KCNH1: variants seen among roughly 807,000 people sequenced by gnomAD.
KCNH1 encodes potassium voltage-gated channel subfamily H member 1, also known as voltage-gated delayed rectifier potassium channel KCNH1.
A neutral mutation model predicts 69.2 loss-of-function variants in KCNH1; 27 were observed. The ratio of observed to expected loss-of-function variants is 0.39; its 90% confidence interval spans 0.29 to 0.54. KCNH1 has a LOEUF of 0.54. Among genes scored for constraint, KCNH1 ranks in the 20% least tolerant of loss-of-function variants. The pLI is 0.68. For synonymous variants in KCNH1, 456 were observed against 487.7 expected (o/e 0.93, Z 0.86); for missense variants, 798 against 1,261.6 (o/e 0.63, Z 5.57).
chr1:210,996,990 T>A (rs981385087), intron 6 of KCNH1, among the ~76,000 whole-genome samples: 2 of 151,984 alleles, frequency 1.3e-5, no homozygotes, highest in Non-Finnish European at 2.9e-5. Flanking sequence ...AGAAAAGACA[T>A]CCACACCAAA....
chr1:210,822,809 G>A (rs544138986), intron 7 of KCNH1, among the ~76,000 whole-genome samples: 1 of 152,218 alleles, frequency 6.6e-6, no homozygotes, highest in East Asian at 1.9e-4. Flanking sequence ...GTCTCTCCAA[G>A]GTTCTCCTCT....
chr1:210,962,763 G>A (rs1688317529), intron 6 of KCNH1, among the ~76,000 whole-genome samples: 1 of 151,422 alleles, frequency 6.6e-6, no homozygotes, highest in Admixed American at 6.6e-5. Flanking sequence ...CTAGGCATGA[G>A]TCTCATACCT....
intron 4 of KCNH1, among the ~76,000 whole-genome samples, chr1:211,087,633 A>G (rs868228441): frequency 3.2e-4 from 11 of 34,168 alleles, no homozygotes; most frequent in Admixed American, 1.0e-3. Context: ...ACACACACAC[A>G]CACACGCACA....
chr1:210,890,475 T>C (rs567741317), intron 7 of KCNH1, among the ~76,000 whole-genome samples: 23 of 152,254 alleles, frequency 1.5e-4, no homozygotes, highest in Non-Finnish European at 2.6e-4. Flanking sequence ...ATTCAGGACA[T>C]AGGCATGGGC....
intron 7 of KCNH1, among the ~76,000 whole-genome samples, chr1:210,865,049 A>G (rs1350964814): frequency 1.3e-5 from 2 of 152,236 alleles, no homozygotes; most frequent in Non-Finnish European, 1.5e-5. Context: ...TATCACTATA[A>G]TGTGACTTCT....
chr1:210,732,981 C>G (rs942075329), intron 10 of KCNH1, among the ~76,000 whole-genome samples: 3 of 152,124 alleles, frequency 2.0e-5, no homozygotes, highest in African/African-American at 7.2e-5. Context: ...CGTTGAGAGC[C>G]CAGGGCACAG....
intron 6 of KCNH1, among the ~76,000 whole-genome samples, chr1:210,958,368 A>C (rs959123469): frequency 1.3e-5 from 2 of 152,098 alleles, no homozygotes; most frequent in African/African-American, 4.8e-5. Context: ...AACGTTGGTG[A>C]ATCTGACAAT....
At chr1:210,772,702 T>C (rs938209177) in intron 10 of KCNH1, among the ~76,000 whole-genome samples, 6 of 152,168 alleles carry the variant, frequency 3.9e-5, no homozygotes, top group Admixed American at 2.6e-4. Flanking sequence ...ACCTAGGAGA[T>C]GCCTAAGTAC....
At chr1:210,760,885 C>T (rs1239170897) in intron 10 of KCNH1, among the ~76,000 whole-genome samples, 5 of 152,176 alleles carry the variant, frequency 3.3e-5, no homozygotes, top group Non-Finnish European at 5.9e-5. Context: ...CCTCCCAAAA[C>T]ACATGGGAAT....
intron 9 of KCNH1, among the ~76,000 whole-genome samples, chr1:210,791,919 ATAAAT>A (rs1684220527): frequency 6.6e-6 from 1 of 152,220 alleles, no homozygotes; most frequent in Admixed American, 6.5e-5. Context: ...AAAAAAATAA[ATAAAT>A]AAAATAAAGA....
chr1:211,059,667 C>T (rs1343095180), intron 5 of KCNH1, among the ~76,000 whole-genome samples: 6 of 151,116 alleles, frequency 4.0e-5, no homozygotes, highest in African/African-American at 1.2e-4. Flanking sequence ...GGCGTGAACC[C>T]GGGAGGTGGA....
intron 6 of KCNH1, among the ~76,000 whole-genome samples, chr1:210,957,457 C>T (rs1189552967): frequency 1.3e-5 from 2 of 152,042 alleles, no homozygotes; most frequent in Non-Finnish European, 2.9e-5. Flanking sequence ...GAGTTCAAGT[C>T]CTGGATATCC....
chr1:210,799,643 C>T (rs1330139574), intron 8 of KCNH1, among the ~76,000 whole-genome samples: 2 of 152,162 alleles, frequency 1.3e-5, no homozygotes, highest in Non-Finnish European at 2.9e-5. Flanking sequence ...TAAAATAATC[C>T]ATTCTCCCAT....
intron 7 of KCNH1, among the ~76,000 whole-genome samples, chr1:210,817,112 T>C (rs1238701417): frequency 6.6e-6 from 1 of 152,178 alleles, no homozygotes; most frequent in African/African-American, 2.4e-5. Flanking sequence ...TAAGTGACAC[T>C]GTAAGTTATA....
At chr1:210,961,136 A>G (rs1211405243) in intron 6 of KCNH1, among the ~76,000 whole-genome samples, 2 of 152,140 alleles carry the variant, frequency 1.3e-5, no homozygotes, top group African/African-American at 2.4e-5. Flanking sequence ...ATCTGCTTTG[A>G]TGAAATGTCT....
intron 7 of KCNH1, among the ~76,000 whole-genome samples, chr1:210,917,764 G>A (rs1687377877): frequency 6.6e-6 from 1 of 152,074 alleles, no homozygotes; most frequent in Admixed American, 6.6e-5. Context: ...GTTGTTTATC[G>A]GGTGCCCCAA....
chr1:210,864,546 C>G (rs1455566220), intron 7 of KCNH1, among the ~76,000 whole-genome samples: 15 of 152,180 alleles, frequency 9.9e-5, no homozygotes, highest in Admixed American at 9.8e-4. Flanking sequence ...AAACACTCAA[C>G]GGATGGTAAC....
chr1:210,799,754 T>C (rs1054457726), intron 8 of KCNH1, among the ~76,000 whole-genome samples: 6 of 152,210 alleles, frequency 3.9e-5, no homozygotes, highest in African/African-American at 1.4e-4. Context: ...TTCTCTGCCT[T>C]AGCACAAGCC....
intron 6 of KCNH1, among the ~76,000 whole-genome samples, chr1:210,922,810 T>A (rs1002917438): frequency 1.3e-5 from 2 of 152,194 alleles, no homozygotes; most frequent in Admixed American, 6.5e-5. Context: ...ATAGCCTGCA[T>A]GGAGGAGATA....
Sources: gnomAD v4.1 joint callset for allele counts (sites outside exome capture counted in the v4.1 genomes callset) on GRCh38, gnomAD v4.1.1 for gene constraint, MANE v1.5 for transcripts, NCBI Gene and HGNC (gene_info 2026-07-23, HGNC 2026-07-21) for gene names.